The following TCF7L1 variants were observed in gnomAD, a reference collection of about 807,000 sequenced individuals.
TCF7L1 encodes transcription factor 7 like 1.
TCF7L1 carries 18 observed loss-of-function variants against 63.7 expected under a neutral mutation model. The observed-to-expected ratio is 0.28, with a 90% CI of 0.20 to 0.42. The LOEUF (loss-of-function observed/expected upper bound fraction) is 0.42, where lower values mean the gene tolerates loss of function less well. TCF7L1 is among the 10% of genes least tolerant of loss of function. The probability of loss-of-function intolerance (pLI) is 1.00; values close to 1 mark genes in which losing one functional copy is unlikely to be tolerated. For synonymous variants in TCF7L1, 355 were observed against 340.9 expected (o/e 1.04, Z -0.46); for missense variants, 654 against 779.3 (o/e 0.84, Z 1.91).
intron 3 of TCF7L1, among the ~76,000 whole-genome samples, chr2:85,170,284 C>G (rs1678517548): frequency 6.6e-6 from 1 of 152,120 alleles, no homozygotes. Context: ...AAGCATCAAG[C>G]CTGGCATTTT....
At chr2:85,179,213 G>A (rs1678745246) in intron 3 of TCF7L1, among the ~76,000 whole-genome samples, 1 of 152,220 alleles carries the variant, frequency 6.6e-6, no homozygotes, top group African/African-American at 2.4e-5. Context: ...CCTAGGGAAT[G>A]AAATTGGGAC....
intron 3 of TCF7L1, among the ~76,000 whole-genome samples, chr2:85,264,259 G>T (rs182609105): frequency 6.6e-6 from 1 of 152,190 alleles, no homozygotes; most frequent in African/African-American, 2.4e-5. Context: ...GAGTGACTAC[G>T]TGAGTACTCC....
intron 3 of TCF7L1, chr2:85,186,755 C>T (rs746458078): frequency 6.6e-6 from 1 of 152,080 alleles, no homozygotes; most frequent in Non-Finnish European, 1.5e-5. Flanking sequence ...TTCCATAAAA[C>T]GTGTATGTAA....
In TCF7L1 at chr2:85,310,153, T is replaced by G. The variant is rs1303563760; in HGVS notation, c.*691T>G. On this transcript the variant is annotated 3_prime_UTR_variant, in exon 12 of 12. Coordinates refer to ENST00000282111, the MANE Select transcript of TCF7L1 (RefSeq NM_031283.3). ...TCCTCCCCGTCCTTGCCAGTGGCGA[T>G]CATCCCTTCACAATCCCAGAGTGGC... 4 of 152,766 alleles carry G rather than the reference T, an allele frequency of 2.6e-5. No homozygotes were observed. Among genetic ancestry groups the G allele is most frequent in the Middle Eastern group, 3.4e-3 (1 of 294 alleles). 9.5% of individuals were successfully genotyped at this position (152,766 alleles called of 1,614,324 possible).
chr2:85,285,049 C>A (rs945507098), intron 4 of TCF7L1, among the ~76,000 whole-genome samples: 1 of 152,036 alleles, frequency 6.6e-6, no homozygotes, highest in African/African-American at 2.4e-5. Flanking sequence ...CTGGCTAACA[C>A]GGTGAAACAC....
chr2:85,164,185 G>A (rs66856432), intron 3 of TCF7L1, among the ~76,000 whole-genome samples: 18,700 of 152,130 alleles, frequency 0.12, 1,562 homozygotes, highest in African/African-American at 0.24. Context: ...CTGGTTGCCT[G>A]TCAGCGTTCA....
intron 3 of TCF7L1, among the ~76,000 whole-genome samples, chr2:85,251,192 G>A (rs1160575135): frequency 6.6e-6 from 1 of 152,206 alleles, no homozygotes; most frequent in Admixed American, 6.5e-5. Context: ...AACAATTTAG[G>A]AGTGGAAAGA....
chr2:85,238,336 G>A (rs1170451445), intron 3 of TCF7L1, among the ~76,000 whole-genome samples: 2 of 152,172 alleles, frequency 1.3e-5, no homozygotes, highest in African/African-American at 4.8e-5. Context: ...GGCAGGGAAG[G>A]CCGTTCTCCA....
intron 3 of TCF7L1, among the ~76,000 whole-genome samples, chr2:85,142,259 G>A (rs142145956): frequency 1.3e-5 from 2 of 151,982 alleles, no homozygotes; most frequent in South Asian, 2.1e-4. Context: ...AAACCCCATT[G>A]CTACAAAACA....
intron 3 of TCF7L1, among the ~76,000 whole-genome samples, chr2:85,244,082 C>T (rs1332701540): frequency 6.6e-6 from 1 of 152,148 alleles, no homozygotes; most frequent in African/African-American, 2.4e-5. Flanking sequence ...GGGAAGAGCA[C>T]GCCAGGCAGA....
intron 3 of TCF7L1, among the ~76,000 whole-genome samples, chr2:85,188,888 A>G (rs1678987781): frequency 6.6e-6 from 1 of 152,224 alleles, no homozygotes; most frequent in African/African-American, 2.4e-5. Flanking sequence ...GCCTAAGAAC[A>G]TAATCCATCT....
At chr2:85,202,835 T>G (rs1408377227) in intron 3 of TCF7L1, among the ~76,000 whole-genome samples, 2 of 152,080 alleles carry the variant, frequency 1.3e-5, no homozygotes, top group African/African-American at 4.8e-5. Context: ...ACCTCCGAAC[T>G]CTTTTTCTTT....
At chr2:85,209,220 G>A (rs1233785201) in intron 3 of TCF7L1, among the ~76,000 whole-genome samples, 2 of 152,198 alleles carry the variant, frequency 1.3e-5, no homozygotes, top group African/African-American at 2.4e-5. Flanking sequence ...GCCCAAAGAG[G>A]AAAGTGATTG....
At chr2:85,246,921 C>T (rs1002137316) in intron 3 of TCF7L1, among the ~76,000 whole-genome samples, 4 of 152,220 alleles carry the variant, frequency 2.6e-5, no homozygotes, top group African/African-American at 7.2e-5. Flanking sequence ...GGCTACCCAC[C>T]ATTCTCTGTA....
At chr2:85,167,876 A>G (rs1678457242) in intron 3 of TCF7L1, among the ~76,000 whole-genome samples, 1 of 152,150 alleles carries the variant, frequency 6.6e-6, no homozygotes, top group Non-Finnish European at 1.5e-5. Flanking sequence ...AAAAATAAAC[A>G]AGGAGAAGGA....
intron 3 of TCF7L1, among the ~76,000 whole-genome samples, chr2:85,139,441 A>C (rs989692630): frequency 2.0e-5 from 3 of 152,246 alleles, no homozygotes; most frequent in Non-Finnish European, 4.4e-5. Context: ...AAAGGATTTA[A>C]AAATTAAGTA....
intron 3 of TCF7L1, among the ~76,000 whole-genome samples, chr2:85,149,651 A>AG (rs1159691818): frequency 1.9e-4 from 29 of 151,912 alleles, no homozygotes; most frequent in Admixed American, 1.9e-3. Context: ...CAGCCTCCCA[A>AG]GTAGCTGTGA....
chr2:85,171,950 A>G (rs1248703289), intron 3 of TCF7L1, among the ~76,000 whole-genome samples: 1 of 151,580 alleles, frequency 6.6e-6, no homozygotes, highest in East Asian at 1.9e-4. Context: ...CCCTAAACAC[A>G]TCCCGGGTTA....
intron 4 of TCF7L1, among the ~76,000 whole-genome samples, chr2:85,287,672 T>G (rs1454866300): frequency 6.6e-6 from 1 of 152,184 alleles, no homozygotes; most frequent in East Asian, 1.9e-4. Flanking sequence ...CCTCAAAAAC[T>G]TAAGGAACAT....
Sources: gnomAD v4.1 joint callset for allele counts (sites outside exome capture counted in the v4.1 genomes callset) on GRCh38, gnomAD v4.1.1 for gene constraint, MANE v1.5 for transcripts, NCBI Gene and HGNC (gene_info 2026-07-23, HGNC 2026-07-21) for gene names.